KCNH7: variants seen among roughly 807,000 people sequenced by gnomAD.
KCNH7 encodes the protein potassium voltage-gated channel subfamily H member 7.
Under a neutral mutation model 120.8 loss-of-function variants are expected in KCNH7, and 49 were observed. The ratio of observed to expected loss-of-function variants is 0.41; its 90% CI spans 0.32 to 0.51. The LOEUF (loss-of-function observed/expected upper bound fraction) is 0.51, where lower values mean the gene tolerates loss of function less well. Ranked by LOEUF, KCNH7 falls within the 20% of genes least tolerant of loss-of-function variation. The pLI is 0.38. For missense variants in KCNH7, 1,097 were observed against 1,446.6 expected (o/e 0.76, Z 3.92); for synonymous variants, 547 against 516.1 (o/e 1.06, Z -0.81).
At chr2:162,723,316 C>T (rs1480620154) in intron 2 of KCNH7, among the ~76,000 whole-genome samples, 1 of 152,072 alleles carries the variant, frequency 6.6e-6, no homozygotes, top group East Asian at 1.9e-4. Context: ...ACTCCACAGG[C>T]CTCTCAAATC....
chr2:162,626,375 A>G (rs1313587591), intron 2 of KCNH7, among the ~76,000 whole-genome samples: 2 of 152,300 alleles, frequency 1.3e-5, no homozygotes, highest in South Asian at 2.1e-4. Flanking sequence ...TACTAGAAAT[A>G]ATCATAAAAC....
intron 2 of KCNH7, chr2:162,795,560 T>G (rs1014819525): frequency 6.6e-6 from 1 of 152,046 alleles, no homozygotes; most frequent in East Asian, 1.9e-4. Flanking sequence ...TGAAAATCTA[T>G]AGTTCCAATC....
intron 6 of KCNH7, among the ~76,000 whole-genome samples, chr2:162,488,677 G>C (rs1295350489): frequency 6.6e-6 from 1 of 152,114 alleles, no homozygotes; most frequent in Non-Finnish European, 1.5e-5. Context: ...TATCCCAAAA[G>C]AAAAATCTGC....
intron 2 of KCNH7, among the ~76,000 whole-genome samples, chr2:162,758,574 A>C (rs2105446738): frequency 6.6e-6 from 1 of 152,174 alleles, no homozygotes; most frequent in African/African-American, 2.4e-5. Flanking sequence ...TATGTGTATA[A>C]GTATCTACAT....
intron 7 of KCNH7, among the ~76,000 whole-genome samples, chr2:162,441,453 C>T (rs1186793493): frequency 6.6e-6 from 1 of 152,006 alleles, no homozygotes. Context: ...ACAGTAGTTA[C>T]TTAGGTTTCA....
intron 2 of KCNH7, among the ~76,000 whole-genome samples, chr2:162,776,907 T>C (rs1273171490): frequency 6.6e-6 from 1 of 152,170 alleles, no homozygotes; most frequent in Non-Finnish European, 1.5e-5. Context: ...CCAGTGTTCT[T>C]AGACTATAAG....
chr2:162,662,758 T>C (rs1301607727), intron 2 of KCNH7, among the ~76,000 whole-genome samples: 1 of 152,206 alleles, frequency 6.6e-6, no homozygotes, highest in African/African-American at 2.4e-5. Context: ...CACCTAAAAG[T>C]GTATAAACTC....
chr2:162,796,029 A>T (rs1337454142), intron 2 of KCNH7: 1 of 152,126 alleles, frequency 6.6e-6, no homozygotes, highest in African/African-American at 2.4e-5. Flanking sequence ...ACAAATGAGC[A>T]GGAAAGTTGA....
intron 2 of KCNH7, among the ~76,000 whole-genome samples, chr2:162,600,132 C>T (rs1694504145): frequency 6.6e-6 from 1 of 152,110 alleles, no homozygotes; most frequent in Non-Finnish European, 1.5e-5. Context: ...TGTAATCAAT[C>T]ACATACAGAG....
intron 5 of KCNH7, among the ~76,000 whole-genome samples, chr2:162,509,201 T>G (rs1204996169): frequency 2.0e-5 from 3 of 151,548 alleles, no homozygotes; most frequent in East Asian, 1.9e-4. Flanking sequence ...TATTTAAAAT[T>G]TATACGATGA....
In KCNH7 at chr2:162,617,583, A is replaced by C. The variant is rs539164823; in HGVS notation, c.308-80503T>G. ...TTAGAGGAATAATGGGTGACACAGA[A>C]AAACACAAAAACAGTTATATATATA... On this transcript the variant is annotated intron_variant, in intron 2 of 15. Transcript: ENST00000332142. Among the ~76,000 whole-genome samples, 12 of 152,338 alleles carry C rather than the reference A, an allele frequency of 7.9e-5. No individual in the cohort carries two copies. The South Asian group carries it at 2.5e-3, about 32-fold the overall frequency.
chr2:162,684,945 AC>A (rs1685834157), intron 2 of KCNH7, among the ~76,000 whole-genome samples: 2 of 152,148 alleles, frequency 1.3e-5, no homozygotes, highest in South Asian at 4.1e-4. Flanking sequence ...CTTGGAGCCA[AC>A]CCAAACGCCC....
At chr2:162,566,098 G>A (rs1475289768) in intron 2 of KCNH7, among the ~76,000 whole-genome samples, 1 of 151,980 alleles carries the variant, frequency 6.6e-6, no homozygotes, top group African/African-American at 2.4e-5. Flanking sequence ...GGGACTGAAA[G>A]TTTTCAAAAG....
chr2:162,643,190 C>T (rs905311383), intron 2 of KCNH7, among the ~76,000 whole-genome samples: 10 of 151,798 alleles, frequency 6.6e-5, no homozygotes, highest in African/African-American at 2.4e-4. Context: ...GGCTGTTCAC[C>T]TTCCAAACTT....
At chr2:162,521,528 G>T (rs542449723) in intron 3 of KCNH7, among the ~76,000 whole-genome samples, 32 of 151,876 alleles carry the variant, frequency 2.1e-4, no homozygotes, top group African/African-American at 6.7e-4. Flanking sequence ...ATTTAAGAAG[G>T]CCACTTTATT....
At chr2:162,512,574 G>A (rs1296812901) in intron 5 of KCNH7, 80 bp downstream of exon 5, 1 of 1,256,464 alleles carries the variant, frequency 8.0e-7, no homozygotes, top group East Asian at 2.3e-5. Flanking sequence ...CACTGAACAG[G>A]GCATACAGCA....
intron 2 of KCNH7, among the ~76,000 whole-genome samples, chr2:162,748,473 G>A (rs1254338168): frequency 6.6e-6 from 1 of 151,968 alleles, no homozygotes; most frequent in Non-Finnish European, 1.5e-5. Flanking sequence ...TTTTTTGTGT[G>A]TGTACATGTG....
intron 2 of KCNH7, among the ~76,000 whole-genome samples, chr2:162,652,621 G>C (rs1258638794): frequency 6.6e-6 from 1 of 152,146 alleles, no homozygotes; most frequent in African/African-American, 2.4e-5. Context: ...CAGATGCAGA[G>C]CTCAGGCAGT....
At chr2:162,458,160 A>G (rs922500900) in intron 6 of KCNH7, among the ~76,000 whole-genome samples, 2 of 150,826 alleles carry the variant, frequency 1.3e-5, no homozygotes, top group African/African-American at 2.4e-5. Context: ...TGATTGTATA[A>G]TTGCAGTCAT....
Sources: gnomAD v4.1 joint callset for allele counts (sites outside exome capture counted in the v4.1 genomes callset) on GRCh38, gnomAD v4.1.1 for gene constraint, MANE v1.5 for transcripts, NCBI Gene and HGNC (gene_info 2026-07-23, HGNC 2026-07-21) for gene names.